The following KIF2A variants were observed in gnomAD, a reference collection of about 807,000 sequenced individuals.
The protein encoded by KIF2A is kinesin family member 2A, also known as kinesin-like protein KIF2A.
In KIF2A, 22 loss-of-function variants were observed where a neutral mutation model predicts 100.2. The observed-to-expected ratio is 0.22, with a 90% CI of 0.16 to 0.31. The LOEUF (loss-of-function observed/expected upper bound fraction) is 0.31, where lower values mean the gene tolerates loss of function less well. Among genes scored for constraint, KIF2A ranks in the 10% least tolerant of loss-of-function variants. KIF2A has a pLI of 1.00. For missense variants in KIF2A, 495 were observed against 898.7 expected, an observed-to-expected ratio of 0.55 and a Z score of 5.74; for synonymous variants, 268 against 285.9, an observed-to-expected ratio of 0.94 and a Z score of 0.63.
Position 62,364,025 on chromosome 5 carries a change from A to T in KIF2A, c.1467+126A>T, listed in dbSNP as rs113229174. The T allele has an allele frequency of 8.4e-5, 60 of 716,488 alleles. No homozygotes were observed. In the African/African-American group the frequency reaches 1.0e-3, roughly 12 times the overall value. 44.4% of individuals were successfully genotyped at this position (716,488 alleles called of 1,614,324 possible). On this transcript the variant is annotated intron_variant, in intron 14 of 20. Transcript: ENST00000407818. ...AGGTTTTCAAAATTCAGATGCTTGT[A>T]ATGTATAGTGTGATTTTATTATACC...
intron 1 of KIF2A, among the ~76,000 whole-genome samples, chr5:62,345,971 T>C (rs73760589): frequency 6.6e-6 from 1 of 152,110 alleles, no homozygotes; most frequent in Non-Finnish European, 1.5e-5. Context: ...GTTGGTGTGC[T>C]TCTAGGAATT....
At chr5:62,341,548 T>C (rs1747293793) in intron 1 of KIF2A, among the ~76,000 whole-genome samples, 1 of 152,170 alleles carries the variant, frequency 6.6e-6, no homozygotes, top group Non-Finnish European at 1.5e-5. Flanking sequence ...GCCATCCTCC[T>C]GCTTCTGCCT....
At chr5:62,369,847 T>C (rs1256508036) in intron 16 of KIF2A, among the ~76,000 whole-genome samples, 1 of 152,208 alleles carries the variant, frequency 6.6e-6, no homozygotes, top group Non-Finnish European at 1.5e-5. Flanking sequence ...ATTTAAGACA[T>C]AGCTTAGTGA....
intron 3 of KIF2A, among the ~76,000 whole-genome samples, chr5:62,349,451 G>A (rs1032100410): frequency 2.0e-5 from 3 of 151,998 alleles, no homozygotes; most frequent in African/African-American, 7.2e-5. Context: ...TGATTTGAAT[G>A]TGCATCCAAG....
At chr5:62,381,747 A>G (rs1741780267) in intron 20 of KIF2A, among the ~76,000 whole-genome samples, 1 of 152,174 alleles carries the variant, frequency 6.6e-6, no homozygotes, top group Admixed American at 6.5e-5. Flanking sequence ...AATTTTTTGT[A>G]GAGATGGGGT....
At chr5:62,322,928 A>G (rs552484942) in intron 1 of KIF2A, among the ~76,000 whole-genome samples, 3 of 113,172 alleles carry the variant, frequency 2.7e-5, no homozygotes, top group Non-Finnish European at 5.2e-5. Flanking sequence ...ATGTGATTCA[A>G]TTTAGTAAAA....
At chr5:62,355,555 G>A (rs1748058708) in intron 7 of KIF2A, among the ~76,000 whole-genome samples, 1 of 152,168 alleles carries the variant, frequency 6.6e-6, no homozygotes, top group Non-Finnish European at 1.5e-5. Context: ...TTTCCTTTCT[G>A]ACTGTGAGTT....
At chr5:62,367,267 T>A (rs1253257244) in intron 16 of KIF2A, among the ~76,000 whole-genome samples, 1 of 151,982 alleles carries the variant, frequency 6.6e-6, no homozygotes, top group Non-Finnish European at 1.5e-5. Flanking sequence ...TTTTTGTTTT[T>A]TGTTTTGGTT....
chr5:62,327,280 T>C (rs1484304815), intron 1 of KIF2A, among the ~76,000 whole-genome samples: 1 of 152,220 alleles, frequency 6.6e-6, no homozygotes, highest in Non-Finnish European at 1.5e-5. Context: ...AAACTTTTTT[T>C]CATTATTGCT....
rs750831553 is a variant in KIF2A, at chr5:62,357,708, ATG to A, written c.682_683del (p.Val228LysfsTer7). ...ATTTCTAGATTGATGAACATAGGAT[ATG>A]TGTGTGTGTAAGAAAACGACCACTC... ...TADPIDEHRI[C>X]VCVRKRPLNK... On this transcript the variant is annotated frameshift_variant, in exon 8 of 21. Coordinates refer to ENST00000407818, the MANE Select transcript of KIF2A (RefSeq NM_001098511.3). LOFTEE classifies it high-confidence loss of function. 4.6e-5 allele frequency: 72 copies of A among 1,551,860 alleles called. No individual in the cohort carries two copies. The highest frequency in any genetic ancestry group is 5.8e-5 in the Non-Finnish European group (65 of 1,126,924).
chr5:62,382,923 G>C (rs1406042895), intron 20 of KIF2A, among the ~76,000 whole-genome samples: 1 of 147,156 alleles, frequency 6.8e-6, no homozygotes, highest in East Asian at 2.0e-4. Flanking sequence ...CACCGAGCCT[G>C]GCTTTGCTTT....
chr5:62,377,395 C>G (rs577044717), intron 18 of KIF2A, among the ~76,000 whole-genome samples: 1 of 152,262 alleles, frequency 6.6e-6, no homozygotes, highest in African/African-American at 2.4e-5. Flanking sequence ...AGAGAGTACT[C>G]TTTCAGCATA....
intron 9 of KIF2A, among the ~76,000 whole-genome samples, chr5:62,359,423 T>C (rs1467216236): frequency 6.6e-6 from 1 of 151,908 alleles, no homozygotes; most frequent in African/African-American, 2.4e-5. Context: ...ACCAACTCTT[T>C]TTGTCTTCAC....
At chr5:62,339,235 A>T (rs1047295717) in intron 1 of KIF2A, among the ~76,000 whole-genome samples, 2 of 152,022 alleles carry the variant, frequency 1.3e-5, no homozygotes, top group East Asian at 1.9e-4. Flanking sequence ...CACACTTTTA[A>T]ACAGCCAGAG....
In KIF2A at chr5:62,358,153, T is replaced by C. The variant is rs1247614594; in HGVS notation, c.726T>C (p.Asp242=). The C allele has an allele frequency of 1.3e-6, 2 of 1,575,506 alleles. No individual in the cohort carries two copies. Among genetic ancestry groups the C allele is most frequent in the Non-Finnish European group, 1.7e-6 (2 of 1,167,082 alleles). The change falls in exon 9 of 21, where the codon GAT becomes GAC. Residue 242 remains aspartate (D), a synonymous_variant. Coordinates refer to ENST00000407818, the MANE Select transcript of KIF2A (RefSeq NM_001098511.3). ...TTCTTTTAGAAACTCAAATGAAAGATCTTGATGTAATCACAATTCCTAGTA... is the reference window on the plus strand; with the variant it reads ...TTCTTTTAGAAACTCAAATGAAAGACCTTGATGTAATCACAATTCCTAGTA... ...PLNKKETQMK[D]LDVITIPSKD... is the part of the protein sequence containing the mutation.
At chr5:62,306,906 C>G (rs1254420793) in intron 1 of KIF2A, 1 of 230,346 alleles carries the variant, frequency 4.3e-6, no homozygotes, top group Middle Eastern at 1.4e-3. Flanking sequence ...ATGACCCTGC[C>G]TCGCGCTTCC....
chr5:62,319,508 T>C (rs1745997580), intron 1 of KIF2A, among the ~76,000 whole-genome samples: 1 of 152,210 alleles, frequency 6.6e-6, no homozygotes, highest in Non-Finnish European at 1.5e-5. Context: ...TCCCCTGCTT[T>C]ATGAGTGGCG....
At chr5:62,323,858 C>T (rs1746230896) in intron 1 of KIF2A, among the ~76,000 whole-genome samples, 1 of 151,924 alleles carries the variant, frequency 6.6e-6, no homozygotes, top group East Asian at 1.9e-4. Context: ...GGCAACATGG[C>T]AAAACCTCGT....
intron 7 of KIF2A, among the ~76,000 whole-genome samples, chr5:62,355,716 A>G (rs1489103983): frequency 6.6e-6 from 1 of 152,046 alleles, no homozygotes; most frequent in Non-Finnish European, 1.5e-5. Flanking sequence ...TGGACCAGAA[A>G]TCTAGAACTG....
Sources: allele counts gnomAD v4.1 joint callset (sites outside exome capture counted in the v4.1 genomes callset), GRCh38; gene constraint gnomAD v4.1.1; transcripts MANE v1.5; gene names NCBI Gene and HGNC (gene_info 2026-07-23, HGNC 2026-07-21).